Variants in ADGRB3 observed in about 807,000 individuals in gnomAD.
ADGRB3 encodes brain-specific angiogenesis inhibitor 3.
A neutral mutation model predicts 193.4 loss-of-function variants in ADGRB3; 37 were observed. That is an observed-to-expected ratio of 0.19 (90% CI 0.15 to 0.25). ADGRB3 has a LOEUF of 0.25. ADGRB3 is among the 10% of genes least tolerant of loss of function. The pLI is 1.00. For missense variants in ADGRB3, 1,637 were observed against 1,852.9 expected (o/e 0.88, Z 2.14); for synonymous variants, 690 against 644.2 (o/e 1.07, Z -1.08).
intron 17 of ADGRB3, among the ~76,000 whole-genome samples, chr6:69,147,981 C>T (rs314205): frequency 0.99 from 150,913 of 152,266 alleles, 74,803 homozygotes; most frequent in Middle Eastern, 1. Context: ...CATTGGCATG[C>T]AACATCTTTT....
At chr6:68,987,587 T>C (rs1769116361) in intron 10 of ADGRB3, among the ~76,000 whole-genome samples, 1 of 152,106 alleles carries the variant, frequency 6.6e-6, no homozygotes, top group African/African-American at 2.4e-5. Flanking sequence ...GAAAGCACCA[T>C]ATAAAACCTG....
At chr6:69,169,034 T>G (rs1245234292) in intron 17 of ADGRB3, among the ~76,000 whole-genome samples, 1 of 152,140 alleles carries the variant, frequency 6.6e-6, no homozygotes, top group Non-Finnish European at 1.5e-5. Flanking sequence ...TTTCCAATGA[T>G]GTAATGAATA....
At chr6:68,966,858 T>C (rs1025416702) in intron 8 of ADGRB3, among the ~76,000 whole-genome samples, 22 of 152,204 alleles carry the variant, frequency 1.4e-4, no homozygotes, top group African/African-American at 5.3e-4. Context: ...TAAGTGGCAC[T>C]GAGAAGTACC....
chr6:69,247,863 C>A (rs968534643), intron 20 of ADGRB3, among the ~76,000 whole-genome samples: 6 of 152,006 alleles, frequency 3.9e-5, no homozygotes, highest in African/African-American at 1.4e-4. Context: ...TTGGGGGCCC[C>A]ATTTGGAATA....
intron 17 of ADGRB3, among the ~76,000 whole-genome samples, chr6:69,157,734 T>A (rs1267850357): frequency 6.6e-6 from 1 of 151,872 alleles, no homozygotes; most frequent in Non-Finnish European, 1.5e-5. Context: ...CTGAGACAAT[T>A]CCCTTTCCCC....
At chr6:68,916,616 T>G (rs148052146) in intron 3 of ADGRB3, among the ~76,000 whole-genome samples, 1 of 152,324 alleles carries the variant, frequency 6.6e-6, no homozygotes, top group East Asian at 1.9e-4. Flanking sequence ...ACGAAATCAC[T>G]GTATAAGTAC....
intron 17 of ADGRB3, among the ~76,000 whole-genome samples, chr6:69,165,900 TTTTAATTCTTCTGAGTTAAGAAC>T (rs1004817876): frequency 1.3e-5 from 2 of 152,124 alleles, no homozygotes; most frequent in Non-Finnish European, 2.9e-5. Flanking sequence ...AGGGACTAAA[TTTTAATTCTTCTGAGTTAAGAAC>T]TTTATCTGAA....
intron 3 of ADGRB3, among the ~76,000 whole-genome samples, chr6:68,912,079 A>T (rs1350514075): frequency 2.0e-5 from 3 of 152,148 alleles, no homozygotes; most frequent in Non-Finnish European, 2.9e-5. Context: ...CAAGCCTGGT[A>T]AAAGAGTTCA....
intron 3 of ADGRB3, among the ~76,000 whole-genome samples, chr6:68,646,522 G>C (rs1037100469): frequency 1.3e-5 from 2 of 150,538 alleles, no homozygotes; most frequent in Admixed American, 6.6e-5. Flanking sequence ...GGACTTCCAA[G>C]TGCTGGGGAA....
Position 68,778,761 on chromosome 6 carries a change from C to G in ADGRB3, c.757+139329C>G, listed in dbSNP as rs990318509. 3.9e-5 allele frequency among the ~76,000 whole-genome samples: 6 copies of G among 152,142 alleles called. No individual in the cohort carries two copies. In the South Asian group the frequency reaches 8.3e-4, roughly 21 times the overall value. On this transcript the variant is annotated intron_variant, in intron 3 of 31. Transcript: ENST00000370598. ...TATACTTATATATCCAAAATACTAC[C>G]TCTCTCCAGTCCCCATTTTCCCCCA...
chr6:69,051,006 C>G (rs1582423147), intron 15 of ADGRB3, among the ~76,000 whole-genome samples: 1 of 152,080 alleles, frequency 6.6e-6, no homozygotes, highest in African/African-American at 2.4e-5. Context: ...TCAGGTTATT[C>G]CAAGTTTTAT....
intron 3 of ADGRB3, among the ~76,000 whole-genome samples, chr6:68,914,641 A>G (rs1240837560): frequency 6.6e-6 from 1 of 152,212 alleles, no homozygotes; most frequent in African/African-American, 2.4e-5. Flanking sequence ...TGAACTAACA[A>G]GCAAAATAAC....
chr6:69,280,041 C>T (rs1239474017), intron 20 of ADGRB3, among the ~76,000 whole-genome samples: 3 of 152,238 alleles, frequency 2.0e-5, no homozygotes, highest in South Asian at 2.1e-4. Flanking sequence ...CCCTAGTCAT[C>T]GGCAGGAGCT....
chr6:69,379,675 C>T (rs1417206518), intron 30 of ADGRB3, among the ~76,000 whole-genome samples: 1 of 151,950 alleles, frequency 6.6e-6, no homozygotes, highest in Non-Finnish European at 1.5e-5. Context: ...CATGCTTGGA[C>T]AATCAAACTG....
chr6:69,268,548 G>T (rs1268594716), intron 20 of ADGRB3, among the ~76,000 whole-genome samples: 1 of 152,074 alleles, frequency 6.6e-6, no homozygotes, highest in African/African-American at 2.4e-5. Context: ...AGGCTCCTAG[G>T]GCATTTAAGG....
At chr6:69,088,092 T>C (rs1049761070) in intron 17 of ADGRB3, among the ~76,000 whole-genome samples, 12 of 152,186 alleles carry the variant, frequency 7.9e-5, no homozygotes, top group African/African-American at 2.9e-4. Context: ...TTTCTTTGGA[T>C]CCTTCCTATA....
intron 3 of ADGRB3, among the ~76,000 whole-genome samples, chr6:68,844,579 T>C (rs1277632128): frequency 6.6e-6 from 1 of 152,172 alleles, no homozygotes; most frequent in Non-Finnish European, 1.5e-5. Flanking sequence ...TGGAGAGCAG[T>C]GTGGAGGTTT....
At chr6:69,215,046 A>G (rs1315449694) in intron 17 of ADGRB3, among the ~76,000 whole-genome samples, 1 of 152,064 alleles carries the variant, frequency 6.6e-6, no homozygotes, top group East Asian at 1.9e-4. Context: ...CCACAAAATA[A>G]GTGGTAAATA....
chr6:69,000,683 A>T (rs1999787), intron 11 of ADGRB3, among the ~76,000 whole-genome samples: 2 of 152,132 alleles, frequency 1.3e-5, no homozygotes, highest in African/African-American at 4.8e-5. Flanking sequence ...AAAAGGCAGA[A>T]CATCATCATG....
Sources: allele counts gnomAD v4.1 joint callset (sites outside exome capture counted in the v4.1 genomes callset), GRCh38; gene constraint gnomAD v4.1.1; transcripts MANE v1.5; gene names NCBI Gene and HGNC (gene_info 2026-07-23, HGNC 2026-07-21).